Variants in IGSF10 observed in about 807,000 individuals in gnomAD.
IGSF10 encodes the protein immunoglobulin superfamily member 10.
Under a neutral mutation model 128.2 loss-of-function variants are expected in IGSF10, and 126 were observed. The ratio of observed to expected loss-of-function variants is 0.98; its 90% CI spans 0.85 to 1.14. IGSF10 has a LOEUF of 1.14. Among genes scored for constraint, IGSF10 ranks in the 50% most tolerant of loss-of-function variants. The pLI, the probability that IGSF10 is intolerant of heterozygous loss-of-function variation, is 0.00. For missense variants in IGSF10, 3,295 were observed against 3,149.8 expected, an observed-to-expected ratio of 1.05 and a Z score of -1.10; for synonymous variants, 1,185 against 1,146.2, an observed-to-expected ratio of 1.03 and a Z score of -0.68.
At chr3:151,561,386 C>T in the IGSF10 span, among the ~76,000 whole-genome samples, 1 of 152,122 alleles carries the variant, frequency 6.6e-6, no homozygotes. Flanking sequence ...TCTTTTTAAT[C>T]TCTATTATGA....
At chr3:151,501,457 G>A in the IGSF10 span, among the ~76,000 whole-genome samples, 9 of 4,996 alleles carry the variant, frequency 1.8e-3, no homozygotes, top group Non-Finnish European at 3.5e-3. Flanking sequence ...CTTGGTATGC[G>A]AAGGCATTTA....
chr3:151,451,802 T>C (rs1190825323), intron 5 of IGSF10, among the ~76,000 whole-genome samples: 2 of 152,184 alleles, frequency 1.3e-5, no homozygotes, highest in Non-Finnish European at 2.9e-5. Context: ...GGTTGTCAAG[T>C]ATGTAAAAAA....
chr3:151,456,480 G>A (rs1174558841), intron 4 of IGSF10, among the ~76,000 whole-genome samples: 1 of 152,122 alleles, frequency 6.6e-6, no homozygotes, highest in Non-Finnish European at 1.5e-5. Flanking sequence ...AGGTCTCTAT[G>A]TATGCATTTC....
rs774015729 is a variant in IGSF10, at chr3:151,438,522, G to C, written c.6039C>G (p.Val2013=). 1 of 1,614,062 alleles carries C rather than the reference G, an allele frequency of 6.2e-7. No individual in the cohort carries two copies. Among genetic ancestry groups the C allele is most frequent in the Non-Finnish European group, 8.5e-7 (1 of 1,180,034 alleles). ...IGSVTEKDSG[V]YLCVARNKMG... Reference sequence around the variant, plus strand: ...TTTTGTTTCTTGCCACACACAAGTAGACACCACTGTCTTTTTCTGTTACTG... The same window carrying C: ...TTTTGTTTCTTGCCACACACAAGTACACACCACTGTCTTTTTCTGTTACTG... Residue 2013 remains valine, a synonymous_variant, in exon 8 of 8, where the codon GTC becomes GTG. Transcript: ENST00000282466.
chr3:151,475,767 TA>T, the IGSF10 span: 1 of 152,608 alleles, frequency 6.6e-6, no homozygotes, highest in Admixed American at 6.5e-5. Flanking sequence ...TAAACTTCGT[TA>T]AATTTACTTT....
chr3:151,536,441 A>C, the IGSF10 span, among the ~76,000 whole-genome samples: 10 of 152,274 alleles, frequency 6.6e-5, no homozygotes, highest in African/African-American at 2.2e-4. Context: ...TTAAGTGAAA[A>C]TGTTATTCAT....
In IGSF10 at chr3:151,460,285, G is replaced by C. The variant is rs755136314; in HGVS notation, c.-26C>G. On this transcript the variant is annotated 5_prime_UTR_variant, in exon 2 of 8. Transcript: ENST00000282466. Reference sequence around the variant, plus strand: ...CCTGAGCTCTTCTTTCAGGTCCTGAGTCCTCTTGTGACATAGGCAGAGACA... The same window carrying C: ...CCTGAGCTCTTCTTTCAGGTCCTGACTCCTCTTGTGACATAGGCAGAGACA... The C allele has an allele frequency of 9.4e-5, 92 of 979,628 alleles. No homozygotes were observed. The highest frequency in any genetic ancestry group is 1.1e-4 in the Non-Finnish European group (90 of 824,744). The allele number at this position is 979,628 out of a possible 1,614,324, so 60.7% of individuals were successfully genotyped here. A position where few individuals can be genotyped will look rare whatever the true frequency, so the allele number is the denominator to read the frequency against.
chr3:151,563,447 G>T, the IGSF10 span, among the ~76,000 whole-genome samples: 1 of 152,180 alleles, frequency 6.6e-6, no homozygotes, highest in East Asian at 1.9e-4. Context: ...TCTAGGGAGA[G>T]AGTTCAGTTT....
chr3:151,617,484 A>C, the IGSF10 span, among the ~76,000 whole-genome samples: 3 of 151,448 alleles, frequency 2.0e-5, no homozygotes, highest in African/African-American at 7.3e-5. Context: ...TATTTTTGGA[A>C]GTAGATAACT....
rs774468912 is a variant in IGSF10, at chr3:151,445,268, T to A, written c.4713A>T (p.Ala1571=). 3.7e-6 allele frequency: 6 copies of A among 1,614,128 alleles called. No individual in the cohort carries two copies. The African/African-American group carries it at 8.0e-5, about 22-fold the overall frequency. The change falls in exon 6 of 8, where the codon GCA becomes GCT. Residue 1571 remains alanine (A), a synonymous_variant. Coordinates refer to ENST00000282466, the MANE Select transcript of IGSF10 (RefSeq NM_178822.5). ...QNSKLTPSPW[A]ENQFWHKPYS... ...ATGGTTTGTGCCAAAATTGGTTTTC[T>A]GCCCAGGGAGATGGAGTTAATTTAG...
chr3:151,606,739 C>T, the IGSF10 span, among the ~76,000 whole-genome samples: 2 of 152,224 alleles, frequency 1.3e-5, no homozygotes, highest in East Asian at 3.9e-4. Flanking sequence ...ACGAACTGGG[C>T]CCCCAGTGCT....
chr3:151,615,208 T>C, the IGSF10 span, among the ~76,000 whole-genome samples: 5 of 152,150 alleles, frequency 3.3e-5, no homozygotes, highest in African/African-American at 4.8e-5. Flanking sequence ...ACTTCATTTA[T>C]AAGATTGAAT....
chr3:151,485,378 T>G, the IGSF10 span, among the ~76,000 whole-genome samples: 1 of 152,176 alleles, frequency 6.6e-6, no homozygotes, highest in African/African-American at 2.4e-5. Flanking sequence ...AAAACACTCT[T>G]CAGGATATTA....
the IGSF10 span, chr3:151,476,294 G>C: frequency 1.2e-4 from 19 of 152,326 alleles, 1 homozygote; most frequent in Admixed American, 1.0e-3. Flanking sequence ...TTCTTGTATC[G>C]GTTTGAACCC....
the IGSF10 span, among the ~76,000 whole-genome samples, chr3:151,486,449 C>T: frequency 6.6e-6 from 1 of 152,114 alleles, no homozygotes; most frequent in Non-Finnish European, 1.5e-5. Flanking sequence ...TTGAACTCAC[C>T]TCTGGACCAA....
the IGSF10 span, among the ~76,000 whole-genome samples, chr3:151,552,407 G>A: frequency 6.6e-6 from 1 of 152,278 alleles, no homozygotes; most frequent in African/African-American, 2.4e-5. Context: ...TTTATTTGGA[G>A]AGCCAGCAAA....
Position 151,460,298 on chromosome 3 carries a change from A to C in IGSF10, c.-39T>G. On this transcript the variant is annotated 5_prime_UTR_variant, in exon 2 of 8. An upstream start codon of the reference 5' UTR is lost. Transcript: ENST00000282466. ...TTCAGGTCCTGAGTCCTCTTGTGACATAGGCAGAGACAGAAAATCTTCCCA... is the reference window on the plus strand; with the variant it reads ...TTCAGGTCCTGAGTCCTCTTGTGACCTAGGCAGAGACAGAAAATCTTCCCA... 1.0e-6 allele frequency: 1 copy of C among 983,284 alleles called. No individual in the cohort carries two copies. Among genetic ancestry groups the C allele is most frequent in the Non-Finnish European group, 1.2e-6 (1 of 827,940 alleles). The allele number at this position is 983,284 out of a possible 1,614,324, so 60.9% of individuals were successfully genotyped here.
the IGSF10 span, among the ~76,000 whole-genome samples, chr3:151,481,936 T>C: frequency 6.6e-6 from 1 of 152,136 alleles, no homozygotes; most frequent in Non-Finnish European, 1.5e-5. Context: ...ATCGCTAACA[T>C]TGATCACAGC....
At chr3:151,500,116 T>A in the IGSF10 span, among the ~76,000 whole-genome samples, 1 of 152,150 alleles carries the variant, frequency 6.6e-6, no homozygotes, top group African/African-American at 2.4e-5. Flanking sequence ...TGTAGCCAAC[T>A]CAACTTCTTA....
Sources: allele counts gnomAD v4.1 joint callset (sites outside exome capture counted in the v4.1 genomes callset), GRCh38; gene constraint gnomAD v4.1.1; transcripts MANE v1.5; gene names NCBI Gene and HGNC (gene_info 2026-07-23, HGNC 2026-07-21).